EGFL6: variants seen among roughly 807,000 people sequenced by gnomAD.
EGFL6 encodes epidermal growth factor-like protein 6.
In EGFL6, 42 loss-of-function variants were observed where a neutral mutation model predicts 43.1. The observed-to-expected ratio is 0.98, with a 90% CI of 0.76 to 1.26. EGFL6 has a LOEUF of 1.26. Ranked by LOEUF, EGFL6 falls within the 50% of genes most tolerant of loss-of-function variation. The probability of loss-of-function intolerance (pLI) is 0.00; values close to 1 mark genes in which losing one functional copy is unlikely to be tolerated. For synonymous variants in EGFL6, 164 were observed against 163.2 expected, an observed-to-expected ratio of 1.01 and a Z score of -0.04; for missense variants, 429 against 427.8, an observed-to-expected ratio of 1.00 and a Z score of -0.02.
chrX:13,615,360 C>T (rs2045712720), intron 7 of EGFL6, among the ~76,000 whole-genome samples: 1 of 112,364 alleles, frequency 8.9e-6, no homozygotes. Flanking sequence ...AGCTGAAACC[C>T]TTTCCTCATT....
At chrX:13,620,245 GC>G (rs2045742217) in intron 9 of EGFL6, among the ~76,000 whole-genome samples, 1 of 111,440 alleles carries the variant, frequency 9.0e-6, no homozygotes, top group Non-Finnish European at 1.9e-5. Context: ...TCAGGGAAAA[GC>G]CCATTTATAT....
intron 10 of EGFL6, among the ~76,000 whole-genome samples, chrX:13,625,619 G>A (rs2045774329): frequency 1.8e-5 from 2 of 110,887 alleles, no homozygotes; most frequent in Non-Finnish European, 3.8e-5. Context: ...GGGAGGCGGA[G>A]GTTGCAGTGA....
chrX:13,610,676 G>A (rs1298148871), intron 7 of EGFL6, among the ~76,000 whole-genome samples: 1 of 111,625 alleles, frequency 9.0e-6, no homozygotes, highest in African/African-American at 3.3e-5. Context: ...TGTGCTCAAA[G>A]CTCCTTTATG....
Position 13,592,027 on chromosome X carries a change from C to T in EGFL6, c.187+2359C>T, listed in dbSNP as rs1205143508. Among the ~76,000 whole-genome samples, 9 of 111,329 alleles carry T rather than the reference C, an allele frequency of 8.1e-5. No homozygotes were observed. The South Asian group carries it at 2.3e-3, about 28-fold the overall frequency. On this transcript the variant is annotated intron_variant, in intron 2 of 11. Coordinates refer to ENST00000361306, the MANE Select transcript of EGFL6 (RefSeq NM_015507.4). ...ACACAAACTGAATTTCCCTTGCTGT[C>T]GATTGGCTGTTGAAGTCACAGATCC...
chrX:13,592,888 G>A (rs1357586245), intron 2 of EGFL6, among the ~76,000 whole-genome samples: 1 of 98,102 alleles, frequency 1.0e-5, no homozygotes, highest in East Asian at 3.4e-4. Flanking sequence ...TAGAAAAGAA[G>A]GGGGAGGCCA....
chrX:13,593,344 G>A (rs1207971332), intron 2 of EGFL6, among the ~76,000 whole-genome samples: 4 of 111,946 alleles, frequency 3.6e-5, no homozygotes, highest in South Asian at 3.7e-4. Context: ...GTTTAATGTC[G>A]TGTCTGACAT....
intron 1 of EGFL6, among the ~76,000 whole-genome samples, chrX:13,588,060 A>G (rs2045543234): frequency 8.9e-6 from 1 of 112,377 alleles, no homozygotes; most frequent in African/African-American, 3.2e-5. Flanking sequence ...ATCTGGCCCA[A>G]AATATCAGTT....
At chrX:13,598,242 G>A (rs2045611164) in intron 3 of EGFL6, among the ~76,000 whole-genome samples, 1 of 112,352 alleles carries the variant, frequency 8.9e-6, no homozygotes, top group African/African-American at 3.2e-5. Context: ...GAGGGAGATG[G>A]TAGGGTAAAG....
At chrX:13,625,903 AGAAAAAG>A (rs1569210505) in intron 10 of EGFL6, among the ~76,000 whole-genome samples, 30 of 37,616 alleles carry the variant, frequency 8.0e-4, no homozygotes, top group African/African-American at 1.7e-3. Context: ...AAAAAAAAAA[AGAAAAAG>A]AAAAAAAGAA....
chrX:13,627,352 A>C (rs2045787086), intron 11 of EGFL6, 76 bp downstream of exon 11: 1 of 1,123,036 alleles, frequency 8.9e-7, no homozygotes, highest in African/African-American at 1.8e-5. Context: ...CAAAACATTT[A>C]CTGAAGTATG....
At chrX:13,596,998 C>G (rs990415882) in intron 3 of EGFL6, among the ~76,000 whole-genome samples, 1 of 111,870 alleles carries the variant, frequency 8.9e-6, no homozygotes, top group Non-Finnish European at 1.9e-5. Context: ...TTGTCATCCA[C>G]AGGATACTTG....
intron 1 of EGFL6, among the ~76,000 whole-genome samples, chrX:13,581,314 G>A (rs2045504434): frequency 8.9e-6 from 1 of 112,104 alleles, no homozygotes; most frequent in African/African-American, 3.2e-5. Context: ...ATCTGGGAAA[G>A]TGAGATGTCT....
chrX:13,618,431 C>T (rs1278317642), intron 8 of EGFL6, among the ~76,000 whole-genome samples: 2 of 112,802 alleles, frequency 1.8e-5, no homozygotes, highest in African/African-American at 6.4e-5. Context: ...CTGCTAAGCT[C>T]TACCTTTTTA....
intron 1 of EGFL6, among the ~76,000 whole-genome samples, chrX:13,578,520 G>A (rs900699934): frequency 4.7e-5 from 5 of 107,287 alleles, no homozygotes; most frequent in Non-Finnish European, 9.7e-5. Flanking sequence ...CAAAGACTTG[G>A]AAGCAAGCCA....
chrX:13,623,620 C>T (rs1443411055), intron 9 of EGFL6, among the ~76,000 whole-genome samples: 1 of 107,768 alleles, frequency 9.3e-6, no homozygotes, highest in Non-Finnish European at 1.9e-5. Context: ...GATCTGCCTA[C>T]CTCAGCCTCC....
At chrX:13,591,572 A>G (rs1015019297) in intron 2 of EGFL6, among the ~76,000 whole-genome samples, 1 of 111,685 alleles carries the variant, frequency 9.0e-6, no homozygotes, top group Admixed American at 9.5e-5. Flanking sequence ...GAAGCACCAA[A>G]TAACAGGGTA....
intron 9 of EGFL6, 99 bp from the exon 10 acceptor site, chrX:13,623,723 CTG>C: frequency 3.4e-6 from 2 of 591,557 alleles, no homozygotes; most frequent in Non-Finnish European, 5.6e-6. Context: ...GATCTGTACT[CTG>C]TGCGACTGAA....
At chrX:13,612,254 CGAGCA>C (rs1167855388) in intron 7 of EGFL6, among the ~76,000 whole-genome samples, 3 of 107,549 alleles carry the variant, frequency 2.8e-5, no homozygotes, top group Non-Finnish European at 5.8e-5. Context: ...TGACTCTTAA[CGAGCA>C]TGCTGCCTTC....
rs755212264 is a variant in EGFL6, at chrX:13,613,025, G to A, written c.778+4579G>A. On this transcript the variant is annotated intron_variant, in intron 7 of 11. Transcript: ENST00000361306. ...CCAGGCATGGTGGTGTGCGCCTGTA[G>A]TCCCAGCTACTCGGGAGGCTGAGGT... Among the ~76,000 whole-genome samples, 6 of 108,687 alleles carry A rather than the reference G, an allele frequency of 5.5e-5. No homozygotes were observed. In the South Asian group the frequency reaches 2.4e-3, roughly 44 times the overall value. 94.4% of individuals were successfully genotyped at this position (108,687 alleles called of 115,157 possible).
Sources: gnomAD v4.1 joint callset for allele counts (sites outside exome capture counted in the v4.1 genomes callset) on GRCh38, gnomAD v4.1.1 for gene constraint, MANE v1.5 for transcripts, NCBI Gene and HGNC (gene_info 2026-07-23, HGNC 2026-07-21) for gene names.